BIK: variants seen among roughly 807,000 people sequenced by gnomAD.
BIK encodes the protein BCL2 interacting killer.
Under a neutral mutation model 12.1 loss-of-function variants are expected in BIK, and 14 were observed. The ratio of observed to expected loss-of-function variants is 1.16; its 90% CI spans 0.77 to 1.81. BIK has a LOEUF of 1.81. BIK is among the 40% of genes most tolerant of loss of function. BIK has a pLI of 0.00. For synonymous variants in BIK, 86 were observed against 92.3 expected, an observed-to-expected ratio of 0.93 and a Z score of 0.39; for missense variants, 215 against 207.9, an observed-to-expected ratio of 1.03 and a Z score of -0.21.
chr22:43,129,590 C>T lies in BIK; in HGVS notation c.*285C>T, dbSNP rs1930400070. On this transcript the variant is annotated 3_prime_UTR_variant, in exon 5 of 5. Coordinates refer to ENST00000216115, the MANE Select transcript of BIK (RefSeq NM_001197.5). ...AGCCATTCACTCCTGCCCCTGCCCA[C>T]ACGGCAGGTAGCAGGGGGAGTGCTG... 1 of 506,796 alleles carries T rather than the reference C, an allele frequency of 2.0e-6. No homozygotes were observed. The allele number at this position is 506,796 out of a possible 1,614,324, so 31.4% of individuals were successfully genotyped here. A position where few individuals can be genotyped will look rare whatever the true frequency, so the allele number is the denominator to read the frequency against.
chr22:43,128,536 A>AG lies in BIK; in HGVS notation c.304dup (p.Asp102GlyfsTer4), dbSNP rs774913062. The stretch of plus-strand genomic sequence containing the variant: ...CATCTACGACCAGACTGAGGACATC[A>AG]GGGATGTTCTTAGAAGTTTCATGGA... On this transcript the variant is annotated frameshift_variant, in exon 4 of 5. Transcript: ENST00000216115. LOFTEE classifies it high-confidence loss of function. 3 of 1,613,782 alleles carry AG rather than the reference A, an allele frequency of 1.9e-6. No individual in the cohort carries two copies. Among genetic ancestry groups the AG allele is most frequent in the Non-Finnish European group, 2.5e-6 (3 of 1,179,650 alleles).
At chr22:43,112,010 C>T (rs1365946020) in intron 1 of BIK, among the ~76,000 whole-genome samples, 4 of 152,190 alleles carry the variant, frequency 2.6e-5, no homozygotes, top group Non-Finnish European at 5.9e-5. Context: ...GGAAGGGCCA[C>T]TCCATCTCTC....
At position 43,129,474 on chromosome 22, in the gene BIK, T is replaced by TC; in HGVS notation, c.*169_*170insC. 1 of 1,172,802 alleles carries TC rather than the reference T, an allele frequency of 8.5e-7. No individual in the cohort carries two copies. Among genetic ancestry groups the TC allele is most frequent in the Non-Finnish European group, 1.1e-6 (1 of 870,480 alleles). The allele number at this position is 1,172,802 out of a possible 1,614,324, so 72.6% of individuals were successfully genotyped here. A position where few individuals can be genotyped will look rare whatever the true frequency, so the allele number is the denominator to read the frequency against. ...AGGTTTTATACTCAGGTTTTTTGTT[T>TC]TTTTTTTATTCCAGTTTTCGTTTTT... On this transcript the variant is annotated 3_prime_UTR_variant, in exon 5 of 5. Transcript: ENST00000216115.
At chr22:43,116,217 C>T (rs1054167052) in intron 1 of BIK, among the ~76,000 whole-genome samples, 1 of 152,172 alleles carries the variant, frequency 6.6e-6, no homozygotes, top group Admixed American at 6.5e-5. Flanking sequence ...TGTTAGACTT[C>T]CTCTACGGTT....
At chr22:43,114,293 ATCAAGTAT>A (rs777914350) in intron 1 of BIK, among the ~76,000 whole-genome samples, 12 of 151,928 alleles carry the variant, frequency 7.9e-5, no homozygotes, top group Non-Finnish European at 1.8e-4. Context: ...GATATTTAAG[ATCAAGTAT>A]TCTTGACCGC....
chr22:43,111,495 C>G (rs1390568665), intron 1 of BIK, among the ~76,000 whole-genome samples: 1 of 152,086 alleles, frequency 6.6e-6, no homozygotes, highest in Non-Finnish European at 1.5e-5. Flanking sequence ...GAGGTGCGCC[C>G]CTGCGGGTGA....
At chr22:43,113,201 G>A (rs913519350) in intron 1 of BIK, among the ~76,000 whole-genome samples, 1 of 152,094 alleles carries the variant, frequency 6.6e-6, no homozygotes, top group Non-Finnish European at 1.5e-5. Flanking sequence ...GAGACTCTCT[G>A]TCAAAAGAAA....
rs192601067 is a variant in BIK, at chr22:43,123,944, G to T, written c.-7-72G>T. ...GTGAGTAGGGCTATACAATCTGGGG[G>T]TCATCCTGTGAGAGAGCCCCCAGAC... On this transcript the variant is annotated intron_variant, in intron 1 of 4. Transcript: ENST00000216115. The T allele has an allele frequency of 5.3e-4, 805 of 1,520,366 alleles. 9 individuals are homozygous for T. The African/African-American group carries it at 9.6e-3, about 18-fold the overall frequency. 94.2% of individuals were successfully genotyped at this position (1,520,366 alleles called of 1,614,324 possible). A position where few individuals can be genotyped will look rare whatever the true frequency, so the allele number is the denominator to read the frequency against.
At chr22:43,125,035 C>A (rs181934105) in intron 2 of BIK, among the ~76,000 whole-genome samples, 1 of 152,270 alleles carries the variant, frequency 6.6e-6, no homozygotes, top group African/African-American at 2.4e-5. Flanking sequence ...TTCCCGGAAC[C>A]GAGAATTCCT....
chr22:43,119,835 G>A (rs1199512786), intron 1 of BIK, among the ~76,000 whole-genome samples: 1 of 152,124 alleles, frequency 6.6e-6, no homozygotes, highest in African/African-American at 2.4e-5. Context: ...TGAGCCAAGT[G>A]CAGTGGTACA....
At chr22:43,123,411 G>A (rs1454257333) in intron 1 of BIK, among the ~76,000 whole-genome samples, 1 of 152,048 alleles carries the variant, frequency 6.6e-6, no homozygotes, top group East Asian at 1.9e-4. Flanking sequence ...GCTGGTGTCC[G>A]AGGAGAACTT....
chr22:43,127,827 T>C (rs574166055), intron 3 of BIK, 32 bp downstream of exon 3: 102 of 1,526,798 alleles, frequency 6.7e-5, no homozygotes, highest in Middle Eastern at 5.2e-4. Context: ...CCTCTACACC[T>C]GGGGAGGGGC....
At chr22:43,115,990 A>T (rs146569038) in intron 1 of BIK, among the ~76,000 whole-genome samples, 2,178 of 152,104 alleles carry the variant, frequency 0.014, 16 homozygotes, top group South Asian at 0.026. Context: ...TCCTGACCTT[A>T]GTTGATCCAT....
At position 43,127,761 on chromosome 22, in the gene BIK, C is replaced by A; in HGVS notation, c.226C>A (p.Arg76Ser). 6.4e-7 allele frequency: 1 copy of A among 1,553,368 alleles called. No individual in the cohort carries two copies. Among genetic ancestry groups the A allele is most frequent in the Non-Finnish European group, 8.7e-7 (1 of 1,148,604 alleles). Residue 76 changes from arginine (R) to serine (S), a missense_variant, in exon 3 of 5, where the codon CGC (arginine) becomes AGC (serine). Arg to Ser is a moderately radical substitution (Grantham distance 110). Coordinates refer to ENST00000216115, the MANE Select transcript of BIK (RefSeq NM_001197.5). ...DEMDVSLRAP[R>S]LAQLSEVAMH... ...GATGGACGTGAGCCTCAGGGCCCCG[C>A]GCCTGGCCCAGCTCTCCGAGGTGGC...
In BIK at chr22:43,117,172, G is replaced by A. The variant is rs113590905; in HGVS notation, c.-8+6369G>A. Among the ~76,000 whole-genome samples, 97 of 152,250 alleles carry A rather than the reference G, an allele frequency of 6.4e-4. 1 individual carries two copies. The highest frequency in any genetic ancestry group is 2.1e-3 in the African/African-American group (88 of 41,546). ...ACTTGGCTTCAGTTTCCACTGTGAC[G>A]GACGGAGGTCTCCCAGGCCCAGCCC... On this transcript the variant is annotated intron_variant, in intron 1 of 4. Transcript: ENST00000216115.
At position 43,129,464 on chromosome 22, in the gene BIK, GTTTT is replaced by G. The variant is rs1195818912; in HGVS notation, c.*162_*165del. The G allele has an allele frequency of 1.2e-5, 15 of 1,214,740 alleles. No individual in the cohort carries two copies. Among genetic ancestry groups the G allele is most frequent in the South Asian group, 1.7e-5 (1 of 58,000 alleles). 75.2% of individuals were successfully genotyped at this position (1,214,740 alleles called of 1,614,324 possible). ...AACACTGCTGAGGTTTTATACTCAG[GTTTT>G]TTGTTTTTTTTTTATTCCAGTTTTC... is the stretch of plus-strand genomic sequence containing the variant. On this transcript the variant is annotated 3_prime_UTR_variant, in exon 5 of 5. Coordinates refer to ENST00000216115, the MANE Select transcript of BIK (RefSeq NM_001197.5).
chr22:43,128,727 A>T (rs2147026896), intron 4 of BIK, 102 bp downstream of exon 4: 2 of 1,456,426 alleles, frequency 1.4e-6, no homozygotes, highest in Admixed American at 2.2e-5. Flanking sequence ...CCGTATCATC[A>T]TCTGTGTCAC....
At chr22:43,110,959 C>G (rs1029406985) in intron 1 of BIK, among the ~76,000 whole-genome samples, 156 bp downstream of exon 1, 6 of 152,140 alleles carry the variant, frequency 3.9e-5, no homozygotes, top group African/African-American at 1.4e-4. Flanking sequence ...GGCGACGTCT[C>G]GGGACTCCGG....
rs370834695 is a variant in BIK, at chr22:43,117,137, C to T, written c.-8+6334C>T. Among the ~76,000 whole-genome samples the T allele has an allele frequency of 7.9e-5, 12 of 152,212 alleles. 1 individual carries two copies. The highest frequency in any genetic ancestry group is 2.4e-4 in the African/African-American group (10 of 41,550). On this transcript the variant is annotated intron_variant, in intron 1 of 4. Coordinates refer to ENST00000216115, the MANE Select transcript of BIK (RefSeq NM_001197.5). ...TGATTCTAGATCTTGAAGCCGGATG[C>T]GGCACTGGCACTTGGCTTCAGTTTC... is the stretch of plus-strand genomic sequence containing the variant.
Sources: allele counts gnomAD v4.1 joint callset (sites outside exome capture counted in the v4.1 genomes callset), GRCh38; gene constraint gnomAD v4.1.1; transcripts MANE v1.5; gene names NCBI Gene and HGNC (gene_info 2026-07-23, HGNC 2026-07-21).